Variants in DPYSL3 observed in about 807,000 individuals in gnomAD.
DPYSL3 encodes dihydropyrimidinase-related protein 3.
A neutral mutation model predicts 66.1 loss-of-function variants in DPYSL3; 16 were observed. The ratio of observed to expected loss-of-function variants is 0.24; its 90% CI spans 0.16 to 0.37. The LOEUF (loss-of-function observed/expected upper bound fraction) is 0.37. DPYSL3 is among the 10% of genes least tolerant of loss of function. DPYSL3 has a pLI of 1.00. For synonymous variants in DPYSL3, 338 were observed against 345.1 expected (o/e 0.98, Z 0.23); for missense variants, 738 against 916.2 (o/e 0.81, Z 2.51).
chr5:147,426,029 CCATCCATCCATCCATT>C lies in DPYSL3; in HGVS notation c.382-1082_382-1067del, dbSNP rs1417874212. Among the ~76,000 whole-genome samples the C allele has an allele frequency of 5.3e-5, 8 of 151,942 alleles. No individual in the cohort carries two copies. The East Asian group carries it at 1.4e-3, about 26-fold the overall frequency. On this transcript the variant is annotated intron_variant, in intron 1 of 13. Coordinates refer to ENST00000343218, the MANE Select transcript of DPYSL3 (RefSeq NM_001197294.2). Reference sequence around the variant, plus strand: ...TCCATCCATCCATCCATCCATCCATCCATCCATCCATCCATTCATCCATCCATTCATTCCCAGGTCA... The same window carrying C: ...TCCATCCATCCATCCATCCATCCATCCATCCATCCATTCATTCCCAGGTCA...
chr5:147,501,772 T>A (rs1753616213), intron 1 of DPYSL3, among the ~76,000 whole-genome samples: 1 of 151,856 alleles, frequency 6.6e-6, no homozygotes, highest in Non-Finnish European at 1.5e-5. Context: ...AGCCACCACA[T>A]CCAGCCAATG....
intron 9 of DPYSL3, 109 bp downstream of exon 9, chr5:147,401,431 T>G: frequency 7.8e-7 from 1 of 1,287,722 alleles, no homozygotes; most frequent in Non-Finnish European, 1.0e-6. Flanking sequence ...CTGTTCACAC[T>G]GCAGACTCTG....
chr5:147,427,614 T>G (rs1752221082), intron 1 of DPYSL3, among the ~76,000 whole-genome samples: 1 of 152,156 alleles, frequency 6.6e-6, no homozygotes, highest in Admixed American at 6.5e-5. Flanking sequence ...AAAATACATA[T>G]TCCCAGGCTG....
At chr5:147,463,489 G>C (rs758655300) in intron 1 of DPYSL3, among the ~76,000 whole-genome samples, 8 of 152,102 alleles carry the variant, frequency 5.3e-5, no homozygotes. Context: ...GAAGCAGATG[G>C]GTGGACCTAA....
At position 147,422,770 on chromosome 5, in the gene DPYSL3, C is replaced by T. The variant is rs547739509; in HGVS notation, c.470+2105G>A. ...AACACAGGAACAGGAAACCAAACACCGCATGTTCACACTTATAAGTGGGAC... is the reference window on the plus strand; with the variant it reads ...AACACAGGAACAGGAAACCAAACACTGCATGTTCACACTTATAAGTGGGAC... On this transcript the variant is annotated intron_variant, in intron 2 of 13. Transcript: ENST00000343218. Among the ~76,000 whole-genome samples, 91 of 152,106 alleles carry T rather than the reference C, an allele frequency of 6.0e-4. 1 individual carries two copies. Among genetic ancestry groups the T allele is most frequent in the African/African-American group, 2.0e-3 (84 of 41,480 alleles).
intron 2 of DPYSL3, among the ~76,000 whole-genome samples, chr5:147,423,743 A>AG (rs1736862074): frequency 6.6e-6 from 1 of 152,030 alleles, no homozygotes; most frequent in Admixed American, 6.6e-5. Flanking sequence ...GACAGAGCCT[A>AG]GCTCTGTCAC....
rs943570771 is a variant in DPYSL3 at position 147,401,987 on chromosome 5, T to C, written c.1154-291A>G. Reference sequence around the variant, plus strand: ...GGCAAAAGAAAATAAAATATACATATTGATTTCAAGATTCATCCTCATTTC... The same window carrying C: ...GGCAAAAGAAAATAAAATATACATACTGATTTCAAGATTCATCCTCATTTC... On this transcript the variant is annotated intron_variant, in intron 8 of 13. Coordinates refer to ENST00000343218, the MANE Select transcript of DPYSL3 (RefSeq NM_001197294.2). 1.4e-5 allele frequency: 4 copies of C among 283,956 alleles called. No individual in the cohort carries two copies. The South Asian group carries it at 1.7e-4, about 12-fold the overall frequency. The allele number at this position is 283,956 out of a possible 1,614,324, so 17.6% of individuals were successfully genotyped here. A position where few individuals can be genotyped will look rare whatever the true frequency, so the allele number is the denominator to read the frequency against.
At chr5:147,472,931 A>G (rs1251120799) in intron 1 of DPYSL3, 1 of 152,148 alleles carries the variant, frequency 6.6e-6, no homozygotes, top group Non-Finnish European at 1.5e-5. Context: ...TCTCTGCAAC[A>G]TCTTCCTGGA....
At chr5:147,415,112 A>C (rs749383717) in intron 4 of DPYSL3, among the ~76,000 whole-genome samples, 1 of 152,116 alleles carries the variant, frequency 6.6e-6, no homozygotes, top group Non-Finnish European at 1.5e-5. Context: ...TAAATCATGT[A>C]CTCACTGAGA....
At chr5:147,409,043 C>T (rs76717944) in intron 6 of DPYSL3, among the ~76,000 whole-genome samples, 3,302 of 152,296 alleles carry the variant, frequency 0.022, 45 homozygotes, top group Middle Eastern at 0.034. Context: ...TTTGTCTATA[C>T]TGCCCTTCAA....
intron 1 of DPYSL3, among the ~76,000 whole-genome samples, chr5:147,433,295 C>G (rs1399440069): frequency 2.6e-5 from 4 of 151,928 alleles, no homozygotes; most frequent in African/African-American, 9.7e-5. Flanking sequence ...GCTCTGGGTC[C>G]GAAGCTTGGG....
rs147439540 is a variant in DPYSL3 at position 147,507,173 on chromosome 5, G to T, written c.381+2305C>A. Among the ~76,000 whole-genome samples, 183 of 152,202 alleles carry T rather than the reference G, an allele frequency of 1.2e-3. No individual in the cohort carries two copies. The East Asian group carries it at 0.034, about 28-fold the overall frequency. On this transcript the variant is annotated intron_variant, in intron 1 of 13. Coordinates refer to ENST00000343218, the MANE Select transcript of DPYSL3 (RefSeq NM_001197294.2). ...TTTATTAAGCTGCTGAGAGTTGGGG[G>T]TTGTTTGTTACTATGGCATCACCCA... is the stretch of plus-strand genomic sequence containing the variant.
In DPYSL3 at chr5:147,453,745, C is replaced by T. The variant is rs1581203333; in HGVS notation, c.382-28782G>A. 12 of 1,317,336 alleles carry T rather than the reference C, an allele frequency of 9.1e-6. No individual in the cohort carries two copies. In the East Asian group the frequency reaches 3.8e-4, roughly 41 times the overall value. The allele number at this position is 1,317,336 out of a possible 1,614,324, so 81.6% of individuals were successfully genotyped here. A position where few individuals can be genotyped will look rare whatever the true frequency, so the allele number is the denominator to read the frequency against. ...CCCGCCTCCGCCCCCCTCCCGGGCT[C>T]CCGCGGCGGCTGCCAGAGACAATAG... On this transcript the variant is annotated intron_variant, in intron 1 of 13. Transcript: ENST00000343218.
intron 1 of DPYSL3, among the ~76,000 whole-genome samples, chr5:147,497,106 T>C (rs375221278): frequency 0.011 from 1,736 of 152,192 alleles, 63 homozygotes; most frequent in East Asian, 0.087. Flanking sequence ...TGTAGGGACA[T>C]GGATGAAGCT....
chr5:147,445,053 G>A (rs978734897), intron 1 of DPYSL3, among the ~76,000 whole-genome samples: 3 of 152,142 alleles, frequency 2.0e-5, no homozygotes, highest in Non-Finnish European at 4.4e-5. Flanking sequence ...AAGAGTCATG[G>A]TGACAGTTTC....
chr5:147,462,257 GA>G (rs1752944609), intron 1 of DPYSL3, among the ~76,000 whole-genome samples: 1 of 152,142 alleles, frequency 6.6e-6, no homozygotes, highest in South Asian at 2.1e-4. Flanking sequence ...ACTTGGAACA[GA>G]AAAACTGTAC....
chr5:147,415,570 G>T, intron 4 of DPYSL3, 139 bp downstream of exon 4: 1 of 1,009,780 alleles, frequency 9.9e-7, no homozygotes, highest in Non-Finnish European at 1.5e-6. Flanking sequence ...CTGGAACATT[G>T]TGTTATCCCT....
At position 147,395,002 on chromosome 5, in the gene DPYSL3, T is replaced by C. The variant is rs183109639; in HGVS notation, c.1966+557A>G. On this transcript the variant is annotated intron_variant, in intron 13 of 13. Transcript: ENST00000343218. ...ATGGAGCAACTGAATGATTATTTTCTAATTATATCAGAGAGTTCGTAAAGA... is the reference window on the plus strand; with the variant it reads ...ATGGAGCAACTGAATGATTATTTTCCAATTATATCAGAGAGTTCGTAAAGA... Among the ~76,000 whole-genome samples, 107 of 152,342 alleles carry C rather than the reference T, an allele frequency of 7.0e-4. 1 individual carries two copies. The highest frequency in any genetic ancestry group is 7.3e-4 in the Non-Finnish European group (50 of 68,042).
intron 3 of DPYSL3, among the ~76,000 whole-genome samples, chr5:147,416,724 T>A (rs1299415292): frequency 6.6e-6 from 1 of 152,204 alleles, no homozygotes. Flanking sequence ...TACGAATTAT[T>A]CCTAGGGAAA....
Sources: allele counts gnomAD v4.1 joint callset (sites outside exome capture counted in the v4.1 genomes callset), GRCh38; gene constraint gnomAD v4.1.1; transcripts MANE v1.5; gene names NCBI Gene and HGNC (gene_info 2026-07-23, HGNC 2026-07-21).